Variants in CASK observed in about 807,000 individuals in gnomAD.
CASK encodes calcium/calmodulin dependent serine protein kinase.
A neutral mutation model predicts 82.9 loss-of-function variants in CASK; 4 were observed. The observed-to-expected ratio is 0.05, with a 90% confidence interval of 0.02 to 0.11. CASK has a LOEUF of 0.11. CASK is among the 10% of genes least tolerant of loss of function. The pLI is 1.00. For synonymous variants in CASK, 259 were observed against 253.5 expected (o/e 1.02, Z -0.20); for missense variants, 358 against 720.9 (o/e 0.50, Z 5.76).
chrX:41,710,082 T>G (rs1265826412), intron 5 of CASK, among the ~76,000 whole-genome samples: 3 of 6,191 alleles, frequency 4.8e-4, no homozygotes, highest in Non-Finnish European at 8.1e-4. Flanking sequence ...GTATAGATTT[T>G]GTGTGTGTGT....
chrX:41,628,568 G>A (rs2147342616), intron 9 of CASK, among the ~76,000 whole-genome samples: 1 of 112,125 alleles, frequency 8.9e-6, no homozygotes, highest in Non-Finnish European at 1.9e-5. Context: ...GCCTCCCAAA[G>A]TGCTGGGATT....
chrX:41,643,271 C>T (rs1402908577), intron 8 of CASK, among the ~76,000 whole-genome samples: 1 of 111,428 alleles, frequency 9.0e-6, no homozygotes, highest in East Asian at 2.8e-4. Context: ...TTTTTTGGGT[C>T]CATGTGAACT....
At chrX:41,825,871 C>T (rs1232474605) in intron 2 of CASK, among the ~76,000 whole-genome samples, 1 of 112,403 alleles carries the variant, frequency 8.9e-6, no homozygotes. Context: ...ATTTCCCTAT[C>T]TTTTGATTAC....
chrX:41,716,077 G>A (rs971336879), intron 5 of CASK, among the ~76,000 whole-genome samples: 7 of 112,246 alleles, frequency 6.2e-5, no homozygotes, highest in African/African-American at 2.3e-4. Context: ...CATTTCTTCA[G>A]GCCAAAGAAC....
intron 8 of CASK, among the ~76,000 whole-genome samples, chrX:41,637,306 A>G (rs1003221662): frequency 1.9e-5 from 2 of 107,304 alleles, no homozygotes; most frequent in Admixed American, 1.0e-4. Flanking sequence ...TGAAAAATCA[A>G]TTCCACAACT....
At chrX:41,897,580 A>C (rs779233215) in intron 1 of CASK, among the ~76,000 whole-genome samples, 6 of 111,778 alleles carry the variant, frequency 5.4e-5, no homozygotes, top group African/African-American at 1.9e-4. Context: ...AAAGTCATGT[A>C]GTTGATGAAT....
intron 16 of CASK, among the ~76,000 whole-genome samples, chrX:41,563,209 T>TA (rs1472120617): frequency 9.4e-6 from 1 of 105,929 alleles, no homozygotes; most frequent in Non-Finnish European, 1.9e-5. Flanking sequence ...TACAAAGTAT[T>TA]AAAAAAATTA....
chrX:41,771,864 A>G (rs2069250397), intron 3 of CASK, among the ~76,000 whole-genome samples: 1 of 111,458 alleles, frequency 9.0e-6, no homozygotes, highest in Non-Finnish European at 1.9e-5. Flanking sequence ...TAAATGATCC[A>G]AGTAAAAGAC....
At chrX:41,897,582 T>C (rs902030528) in intron 1 of CASK, among the ~76,000 whole-genome samples, 5 of 111,467 alleles carry the variant, frequency 4.5e-5, no homozygotes, top group Non-Finnish European at 7.6e-5. Flanking sequence ...AGTCATGTAG[T>C]TGATGAATTA....
At chrX:41,645,598 T>A (rs1458868704) in intron 8 of CASK, among the ~76,000 whole-genome samples, 1 of 111,302 alleles carries the variant, frequency 9.0e-6, no homozygotes, top group African/African-American at 3.3e-5. Context: ...GCACATCAAA[T>A]CACAATAGGT....
chrX:41,563,040 CAAAAAAAAAAAA>C (rs141364032), intron 16 of CASK, among the ~76,000 whole-genome samples: 1 of 22,206 alleles, frequency 4.5e-5, no homozygotes, highest in African/African-American at 2.0e-4. Context: ...GACTCCATCT[CAAAAAAAAAAAA>C]AAAAAAAAAA....
At chrX:41,850,832 A>T (rs1183066400) in intron 2 of CASK, among the ~76,000 whole-genome samples, 1 of 111,497 alleles carries the variant, frequency 9.0e-6, no homozygotes, top group Non-Finnish European at 1.9e-5. Context: ...CAGAGACTTT[A>T]TATAATGAAA....
At chrX:41,769,926 C>T in intron 3 of CASK, among the ~76,000 whole-genome samples, 1 of 111,292 alleles carries the variant, frequency 9.0e-6, no homozygotes, top group Non-Finnish European at 1.9e-5. Context: ...GTCTGGGCAA[C>T]AGAGTAAGAC....
At chrX:41,656,745 A>T (rs1054255770) in intron 8 of CASK, among the ~76,000 whole-genome samples, 1 of 110,414 alleles carries the variant, frequency 9.1e-6, no homozygotes, top group African/African-American at 3.3e-5. Context: ...GTGGTAGAGG[A>T]TGCTGTTATG....
intron 14 of CASK, among the ~76,000 whole-genome samples, chrX:41,583,339 A>C (rs2065609189): frequency 8.9e-6 from 1 of 112,236 alleles, no homozygotes. Context: ...AGCTTACTTC[A>C]AATCTGAAAG....
intron 8 of CASK, among the ~76,000 whole-genome samples, chrX:41,655,273 G>A (rs1373146727): frequency 9.0e-6 from 1 of 111,158 alleles, no homozygotes; most frequent in African/African-American, 3.3e-5. Context: ...TGGAGTGCTG[G>A]TAGGGACAAA....
chrX:41,840,469 G>C (rs962466686), intron 2 of CASK, among the ~76,000 whole-genome samples: 3 of 112,007 alleles, frequency 2.7e-5, no homozygotes, highest in African/African-American at 9.7e-5. Flanking sequence ...CCAGGAGTTT[G>C]TTGTTGTTGT....
intron 2 of CASK, among the ~76,000 whole-genome samples, chrX:41,804,784 A>G (rs778667983): frequency 4.5e-5 from 5 of 112,124 alleles, no homozygotes; most frequent in African/African-American, 1.6e-4. Context: ...CACCAACAAA[A>G]GCAAGCAAAT....
chrX:41,780,656 T>C lies in CASK; in HGVS notation c.278+6522A>G, dbSNP rs183711862. Among the ~76,000 whole-genome samples the C allele has an allele frequency of 7.4e-4, 83 of 111,534 alleles. 1 individual carries two copies. The highest frequency in any genetic ancestry group is 3.0e-4 in the Non-Finnish European group (16 of 53,095). On this transcript the variant is annotated intron_variant, in intron 3 of 26. Transcript: ENST00000378163. ...ATATCAACTATTATTATTATTATTA[T>C]TTTATTTTTAGAGACAGAGTCTTGC...
Sources: allele counts gnomAD v4.1 joint callset (sites outside exome capture counted in the v4.1 genomes callset), GRCh38; gene constraint gnomAD v4.1.1; transcripts MANE v1.5; gene names NCBI Gene and HGNC (gene_info 2026-07-23, HGNC 2026-07-21).